Variants in CREB5 observed in about 807,000 individuals in gnomAD.
CREB5 encodes cyclic AMP-responsive element-binding protein 5.
Under a neutral mutation model 57.1 loss-of-function variants are expected in CREB5, and 19 were observed. That is an observed-to-expected ratio of 0.33 (90% CI 0.23 to 0.49). CREB5 has a LOEUF of 0.49. Ranked by LOEUF, CREB5 falls within the 20% of genes least tolerant of loss-of-function variation. The probability of loss-of-function intolerance (pLI) is 0.99; values close to 1 mark genes in which losing one functional copy is unlikely to be tolerated. For missense variants in CREB5, 579 were observed against 671.6 expected, an observed-to-expected ratio of 0.86 and a Z score of 1.52; for synonymous variants, 238 against 238.3, an observed-to-expected ratio of 1.00 and a Z score of 0.01.
At chr7:28,419,195 A>T (rs755322753) in intron 1 of CREB5, among the ~76,000 whole-genome samples, 8 of 152,190 alleles carry the variant, frequency 5.3e-5, no homozygotes, top group Non-Finnish European at 1.0e-4. Flanking sequence ...AGACAATGAG[A>T]TTAATGATGT....
intron 9 of CREB5, among the ~76,000 whole-genome samples, chr7:28,814,992 C>T (rs1372114824): frequency 6.6e-6 from 1 of 152,218 alleles, no homozygotes; most frequent in Non-Finnish European, 1.5e-5. Context: ...TATGTCCTGC[C>T]AGGCACAGTG....
intron 1 of CREB5, among the ~76,000 whole-genome samples, chr7:28,424,743 C>T (rs537467469): frequency 6.6e-6 from 1 of 152,290 alleles, no homozygotes; most frequent in East Asian, 1.9e-4. Context: ...TTTTGATGTG[C>T]TAACATTTAC....
chr7:28,513,693 G>T (rs1792815041), intron 4 of CREB5: 1 of 152,188 alleles, frequency 6.6e-6, no homozygotes, highest in Non-Finnish European at 1.5e-5. Flanking sequence ...CTTGATCTTT[G>T]CATCCCACTC....
chr7:28,816,693 T>C (rs1227002864), intron 9 of CREB5, among the ~76,000 whole-genome samples: 1 of 152,224 alleles, frequency 6.6e-6, no homozygotes, highest in Non-Finnish European at 1.5e-5. Context: ...TTAGCGCAAC[T>C]TCTAGAATCC....
chr7:28,375,777 G>A (rs1430854269), intron 1 of CREB5, among the ~76,000 whole-genome samples: 2 of 150,194 alleles, frequency 1.3e-5, no homozygotes, highest in Admixed American at 6.6e-5. Flanking sequence ...GGCCTGGAAT[G>A]TTCCTAGACC....
chr7:28,578,480 T>A (rs1795989264), intron 5 of CREB5, among the ~76,000 whole-genome samples: 1 of 152,244 alleles, frequency 6.6e-6, no homozygotes, highest in Admixed American at 6.5e-5. Flanking sequence ...TTGAACCTGG[T>A]TATTCAGAGC....
At chr7:28,516,332 A>T (rs1044782223) in intron 4 of CREB5, among the ~76,000 whole-genome samples, 1 of 152,186 alleles carries the variant, frequency 6.6e-6, no homozygotes, top group African/African-American at 2.4e-5. Flanking sequence ...TCGGTGTGGG[A>T]CATAGTGGGT....
chr7:28,623,543 T>C (rs140852508), intron 5 of CREB5, among the ~76,000 whole-genome samples: 30 of 152,336 alleles, frequency 2.0e-4, no homozygotes, highest in Non-Finnish European at 3.5e-4. Context: ...ACTCACTGTA[T>C]GTATTACAGC....
chr7:28,450,050 C>T (rs1479549150), intron 1 of CREB5, among the ~76,000 whole-genome samples: 5 of 152,170 alleles, frequency 3.3e-5, no homozygotes, highest in East Asian at 3.8e-4. Context: ...TGAAATCACA[C>T]GTTCCCTACA....
intron 1 of CREB5, among the ~76,000 whole-genome samples, chr7:28,358,901 GT>G (rs1290795774): frequency 6.6e-6 from 1 of 152,196 alleles, no homozygotes; most frequent in Non-Finnish European, 1.5e-5. Context: ...GTATTGGGGA[GT>G]TGTTAATAGG....
intron 5 of CREB5, among the ~76,000 whole-genome samples, chr7:28,689,621 A>G (rs540262022): frequency 5.9e-5 from 9 of 152,284 alleles, no homozygotes; most frequent in African/African-American, 2.2e-4. Flanking sequence ...TCCTGTATGA[A>G]CAAGCACATA....
chr7:28,489,394 GGTT>G (rs2128594855), intron 2 of CREB5, among the ~76,000 whole-genome samples: 1 of 140,692 alleles, frequency 7.1e-6, no homozygotes, highest in East Asian at 2.1e-4. Flanking sequence ...CCGCCTCCCG[GGTT>G]CATGCCATTC....
intron 5 of CREB5, among the ~76,000 whole-genome samples, chr7:28,680,402 G>A (rs1374430776): frequency 6.6e-6 from 1 of 152,098 alleles, no homozygotes; most frequent in Non-Finnish European, 1.5e-5. Context: ...ACATGAATCA[G>A]TGTAGTTAGT....
At chr7:28,431,075 C>G (rs1788691116) in intron 1 of CREB5, among the ~76,000 whole-genome samples, 1 of 152,200 alleles carries the variant, frequency 6.6e-6, no homozygotes, top group South Asian at 2.1e-4. Context: ...AGTATGACAG[C>G]TGGCTTCCCC....
chr7:28,572,218 C>T (rs1258845668), intron 5 of CREB5, among the ~76,000 whole-genome samples: 1 of 152,182 alleles, frequency 6.6e-6, no homozygotes, highest in African/African-American at 2.4e-5. Flanking sequence ...TGTGAGTTTG[C>T]TGTGGGTGCG....
At chr7:28,321,782 C>G (rs1785499340) in intron 1 of CREB5, among the ~76,000 whole-genome samples, 1 of 152,190 alleles carries the variant, frequency 6.6e-6, no homozygotes, top group Admixed American at 6.5e-5. Flanking sequence ...GAAACACATT[C>G]AAAGGTAAAA....
chr7:28,571,269 G>A (rs779766699), intron 5 of CREB5, among the ~76,000 whole-genome samples: 27 of 152,092 alleles, frequency 1.8e-4, no homozygotes, highest in African/African-American at 3.6e-4. Context: ...TTTGGACCAC[G>A]ATTAACTGAA....
chr7:28,668,751 G>A (rs1799923192), intron 5 of CREB5, among the ~76,000 whole-genome samples: 1 of 152,178 alleles, frequency 6.6e-6, no homozygotes, highest in South Asian at 2.1e-4. Context: ...TATAATTTCA[G>A]TCTGTATTAG....
rs913022577 is a variant in CREB5, at chr7:28,806,737, C to A, written c.1026+2215C>A. Among the ~76,000 whole-genome samples the A allele has an allele frequency of 2.0e-5, 3 of 152,140 alleles. 1 individual carries two copies. Among genetic ancestry groups the A allele is most frequent in the East Asian group, 3.8e-4 (2 of 5,196 alleles). ...CTGAACCTAATTACACCTGAAACCA[C>A]GTCACTTATGCCTTTGGGTGAAGGC... On this transcript the variant is annotated intron_variant, in intron 8 of 10. Coordinates refer to ENST00000357727, the MANE Select transcript of CREB5 (RefSeq NM_182898.4).
Sources: allele counts gnomAD v4.1 joint callset (sites outside exome capture counted in the v4.1 genomes callset), GRCh38; gene constraint gnomAD v4.1.1; transcripts MANE v1.5; gene names NCBI Gene and HGNC (gene_info 2026-07-23, HGNC 2026-07-21).